The following SLC16A12 variants were observed in gnomAD, a reference collection of about 807,000 sequenced individuals.
SLC16A12 encodes the protein solute carrier family 16 member 12.
SLC16A12 carries 17 observed loss-of-function variants against 42.4 expected under a neutral mutation model. The ratio of observed to expected loss-of-function variants is 0.40; its 90% CI spans 0.27 to 0.60. The LOEUF (loss-of-function observed/expected upper bound fraction) is 0.60. Among genes scored for constraint, SLC16A12 ranks in the 20% least tolerant of loss-of-function variants. The pLI is 0.42. For synonymous variants in SLC16A12, 224 were observed against 229.4 expected, an observed-to-expected ratio of 0.98 and a Z score of 0.21; for missense variants, 544 against 623.0, an observed-to-expected ratio of 0.87 and a Z score of 1.35.
At chr10:89,460,312 ATAT>A (rs1357322346) in intron 3 of SLC16A12, among the ~76,000 whole-genome samples, 1 of 152,146 alleles carries the variant, frequency 6.6e-6, no homozygotes, top group African/African-American at 2.4e-5. Context: ...TTACAGACTC[ATAT>A]TATAGACTCA....
chr10:89,467,909 T>C (rs1233928126), intron 2 of SLC16A12: 1 of 152,176 alleles, frequency 6.6e-6, no homozygotes, highest in Non-Finnish European at 1.5e-5. Context: ...GAGGACACAT[T>C]GTAGGCAACA....
intron 2 of SLC16A12, among the ~76,000 whole-genome samples, chr10:89,485,541 T>G (rs1045072765): frequency 2.6e-5 from 4 of 152,160 alleles, no homozygotes; most frequent in African/African-American, 9.7e-5. Context: ...AACAGCAGTT[T>G]AATGAGTTTA....
intron 2 of SLC16A12, chr10:89,467,989 G>A (rs1235263975): frequency 3.3e-5 from 5 of 152,162 alleles, no homozygotes; most frequent in Non-Finnish European, 7.3e-5. Flanking sequence ...TTACTTTGCT[G>A]CTGCTAAACT....
chr10:89,533,446 A>G (rs1336518885), intron 2 of SLC16A12, among the ~76,000 whole-genome samples: 1 of 152,204 alleles, frequency 6.6e-6, no homozygotes, highest in Non-Finnish European at 1.5e-5. Context: ...TAAATTGAAA[A>G]ATATGCAGTG....
At chr10:89,468,316 T>C (rs1842438199) in intron 2 of SLC16A12, among the ~76,000 whole-genome samples, 1 of 152,148 alleles carries the variant, frequency 6.6e-6, no homozygotes, top group Non-Finnish European at 1.5e-5. Flanking sequence ...ATAAGCGCAC[T>C]CGATCCTCAC....
intron 2 of SLC16A12, among the ~76,000 whole-genome samples, chr10:89,478,248 G>T (rs892235975): frequency 7.2e-5 from 11 of 152,138 alleles, no homozygotes; most frequent in Non-Finnish European, 1.6e-4. Context: ...CACAGGATCT[G>T]ACAGTGAAAG....
At chr10:89,521,401 A>G (rs538138034) in intron 2 of SLC16A12, among the ~76,000 whole-genome samples, 4 of 152,348 alleles carry the variant, frequency 2.6e-5, no homozygotes, top group African/African-American at 9.6e-5. Context: ...GGGGCTTTCT[A>G]AGCTTACATC....
chr10:89,462,322 T>A, intron 3 of SLC16A12, 57 bp downstream of exon 3: 1 of 1,610,550 alleles, frequency 6.2e-7, no homozygotes, highest in Non-Finnish European at 8.5e-7. Flanking sequence ...TGAAGCAGAT[T>A]TAAAAGAAAA....
At position 89,529,549 on chromosome 10, in the gene SLC16A12, C is replaced by CTT. The variant is rs140068667; in HGVS notation, c.-47+4950_-47+4951dup. On this transcript the variant is annotated intron_variant, in intron 2 of 7. Transcript: ENST00000371790. ...ACTGAGTCCCAATTTCCTTTACAGT[C>CTT]TTTTTTTTTTTTTTTTTTGAGACAG... 4.8e-3 allele frequency among the ~76,000 whole-genome samples: 629 copies of CTT among 129,934 alleles called. 8 individuals carry two copies. Among genetic ancestry groups the CTT allele is most frequent in the African/African-American group, 0.016 (569 of 34,524 alleles). 85.2% of individuals were successfully genotyped at this position (129,934 alleles called of 152,430 possible).
intron 2 of SLC16A12, among the ~76,000 whole-genome samples, chr10:89,481,089 A>G (rs1011427331): frequency 5.3e-5 from 8 of 152,170 alleles, no homozygotes; most frequent in African/African-American, 1.9e-4. Flanking sequence ...TCAGCACACA[A>G]AAATGCCCAT....
intron 2 of SLC16A12, among the ~76,000 whole-genome samples, chr10:89,496,958 AG>A (rs1201378873): frequency 1.3e-5 from 2 of 152,234 alleles, no homozygotes; most frequent in African/African-American, 2.4e-5. Context: ...TCCACACAAA[AG>A]GAAACCCAAT....
chr10:89,507,367 G>A (rs1349837899), intron 2 of SLC16A12, among the ~76,000 whole-genome samples: 1 of 152,198 alleles, frequency 6.6e-6, no homozygotes, highest in African/African-American at 2.4e-5. Flanking sequence ...CAGACTAACA[G>A]CAGATCTCTC....
chr10:89,484,520 G>A (rs1032217827), intron 2 of SLC16A12, among the ~76,000 whole-genome samples: 3 of 152,098 alleles, frequency 2.0e-5, no homozygotes, highest in Non-Finnish European at 4.4e-5. Context: ...TAATACACAA[G>A]TGATAATTAT....
chr10:89,508,209 G>T (rs979400877), intron 2 of SLC16A12, among the ~76,000 whole-genome samples: 2 of 152,118 alleles, frequency 1.3e-5, no homozygotes, highest in African/African-American at 2.4e-5. Flanking sequence ...CTTAAACTCA[G>T]CTCTGGACCA....
chr10:89,432,787 C>T lies in SLC16A12; in HGVS notation c.*277G>A. The T allele has an allele frequency of 2.7e-6, 1 of 373,844 alleles. No individual in the cohort carries two copies. The highest frequency in any genetic ancestry group is 4.9e-6 in the Non-Finnish European group (1 of 203,888). 23.2% of individuals were successfully genotyped at this position (373,844 alleles called of 1,614,324 possible). On this transcript the variant is annotated 3_prime_UTR_variant, in exon 8 of 8. Coordinates refer to ENST00000371790, the MANE Select transcript of SLC16A12 (RefSeq NM_213606.4). The stretch of plus-strand genomic sequence containing the variant: ...TATCCCTAATTACAGCTAATTATAT[C>T]AGCTGTGTCCTTACATTTCTTACAG...
intron 3 of SLC16A12, among the ~76,000 whole-genome samples, chr10:89,453,957 A>G (rs1021012995): frequency 6.7e-6 from 1 of 149,434 alleles, no homozygotes; most frequent in Non-Finnish European, 1.5e-5. Context: ...TCAATTGCCA[A>G]GTTCTACTTA....
At position 89,555,852 on chromosome 10, in the gene SLC16A12, C is replaced by T. The variant is rs561417497; in HGVS notation, c.-47+30G>A. 3.3e-5 allele frequency: 5 copies of T among 151,060 alleles called. No homozygotes were observed. The South Asian group carries it at 6.4e-4, about 19-fold the overall frequency. The allele number at this position is 151,060 out of a possible 1,614,324, so 9.4% of individuals were successfully genotyped here. ...GAGGACAGGTGGGAGAACACTACTC[C>T]CTTGTGTTTACTATTGGAACTTACA... On this transcript the variant is annotated intron_variant, in intron 2 of 2. Transcript: ENST00000475682.
intron 6 of SLC16A12, 134 bp downstream of exon 6, chr10:89,438,470 G>A (rs900564647): frequency 1.5e-5 from 12 of 826,184 alleles, no homozygotes; most frequent in Non-Finnish European, 2.2e-5. Context: ...GTACCAGCAA[G>A]GGAGATGCCT....
chr10:89,475,629 C>T (rs1460085496), intron 2 of SLC16A12, among the ~76,000 whole-genome samples: 2 of 152,034 alleles, frequency 1.3e-5, no homozygotes, highest in Admixed American at 1.3e-4. Context: ...ATCCTGGTAA[C>T]GGGAGTAAAT....
Sources: gnomAD v4.1 joint callset for allele counts (sites outside exome capture counted in the v4.1 genomes callset) on GRCh38, gnomAD v4.1.1 for gene constraint, MANE v1.5 for transcripts, NCBI Gene and HGNC (gene_info 2026-07-23, HGNC 2026-07-21) for gene names.